SOX6: variants seen among roughly 807,000 people sequenced by gnomAD.
SOX6 encodes SRY-box transcription factor 6, also known as transcription factor SOX-6.
SOX6 carries 11 observed loss-of-function variants against 97.8 expected under a neutral mutation model. The ratio of observed to expected loss-of-function variants is 0.11; its 90% confidence interval spans 0.07 to 0.19. The LOEUF (loss-of-function observed/expected upper bound fraction) is 0.19, where lower values mean the gene tolerates loss of function less well. SOX6 is among the 10% of genes least tolerant of loss of function. The pLI is 1.00. For synonymous variants in SOX6, 360 were observed against 371.4 expected (o/e 0.97, Z 0.35); for missense variants, 810 against 1,039.5 (o/e 0.78, Z 3.04).
chr11:16,449,215 A>G (rs1859668608), intron 1 of SOX6, among the ~76,000 whole-genome samples: 1 of 150,190 alleles, frequency 6.7e-6, no homozygotes, highest in African/African-American at 2.5e-5. Context: ...ATGTTGAACG[A>G]GCAGAAGTAT....
Position 16,061,421 on chromosome 11 carries a change from T to C in SOX6, c.1102-5520A>G, listed in dbSNP as rs554089960. Among the ~76,000 whole-genome samples, 10 of 151,776 alleles carry C rather than the reference T, an allele frequency of 6.6e-5. No individual in the cohort carries two copies. The South Asian group carries it at 2.1e-3, about 32-fold the overall frequency. ...CATAAACAAATGGAAAAACATCCAA[T>C]GGTCATGGATTAGAAGAACCGGTAT... On this transcript the variant is annotated intron_variant, in intron 9 of 15. Coordinates refer to ENST00000683767, the MANE Select transcript of SOX6 (RefSeq NM_001367873.1).
rs373802250 is a variant in SOX6, at chr11:16,299,007, A to G, written c.445+19439T>C. ...AGAAATGGTGGGTATTAAACCTCTG[A>G]AAAGCAATATTTTCTTTTATTGTGT... is the stretch of plus-strand genomic sequence containing the variant. On this transcript the variant is annotated intron_variant, in intron 3 of 15. Transcript: ENST00000683767. Among the ~76,000 whole-genome samples the G allele has an allele frequency of 2.0e-5, 3 of 152,162 alleles. No individual in the cohort carries two copies. In the East Asian group the frequency reaches 5.8e-4, roughly 29 times the overall value.
chr11:16,717,900 AATG>A (rs1347229726), intron 2 of SOX6, among the ~76,000 whole-genome samples: 1 of 151,566 alleles, frequency 6.6e-6, no homozygotes, highest in Non-Finnish European at 1.5e-5. Context: ...CTGGCTCAGA[AATG>A]TAAAATAAGC....
At chr11:16,422,451 C>T (rs1484885606) in intron 1 of SOX6, among the ~76,000 whole-genome samples, 2 of 152,196 alleles carry the variant, frequency 1.3e-5, no homozygotes, top group Non-Finnish European at 2.9e-5. Flanking sequence ...TCAGGTACTA[C>T]TGAAGCAAAG....
intron 6 of SOX6, among the ~76,000 whole-genome samples, chr11:16,174,324 G>A (rs1196328892): frequency 6.6e-6 from 1 of 151,830 alleles, no homozygotes; most frequent in Non-Finnish European, 1.5e-5. Flanking sequence ...TTCTGACTAT[G>A]AATTCCTTAA....
At chr11:16,126,176 A>C in intron 6 of SOX6, among the ~76,000 whole-genome samples, 1 of 152,128 alleles carries the variant, frequency 6.6e-6, no homozygotes, top group East Asian at 1.9e-4. Context: ...TGAACTCCCA[A>C]GAATGTAGTT....
intron 1 of SOX6, among the ~76,000 whole-genome samples, chr11:16,381,414 CT>C (rs760117786): frequency 1.3e-5 from 2 of 151,988 alleles, no homozygotes; most frequent in Non-Finnish European, 2.9e-5. Context: ...AAAATAAACA[CT>C]TTGTAACACT....
At chr11:16,540,397 T>C (rs1365500775) in intron 4 of SOX6, among the ~76,000 whole-genome samples, 30 of 152,096 alleles carry the variant, frequency 2.0e-4, no homozygotes, top group Admixed American at 2.0e-3. Flanking sequence ...AGCATTCCCT[T>C]TGAAAACTGG....
intron 1 of SOX6, among the ~76,000 whole-genome samples, chr11:16,451,908 C>A (rs1247841262): frequency 1.3e-5 from 2 of 151,634 alleles, no homozygotes; most frequent in Admixed American, 6.6e-5. Context: ...GTGGTATGCA[C>A]CTGGAGTCTC....
intron 4 of SOX6, among the ~76,000 whole-genome samples, chr11:16,540,105 G>C (rs188026632): frequency 3.3e-4 from 50 of 152,152 alleles, no homozygotes; most frequent in African/African-American, 7.9e-4. Context: ...AGCAGCACAT[G>C]AAAAAGCTTA....
intron 3 of SOX6, among the ~76,000 whole-genome samples, chr11:16,674,771 C>T (rs541338727): frequency 7.9e-5 from 12 of 152,226 alleles, no homozygotes; most frequent in African/African-American, 1.2e-4. Flanking sequence ...GCCAACAAAG[C>T]GAAACCCTAT....
At chr11:16,141,067 T>A (rs1172460680) in intron 6 of SOX6, among the ~76,000 whole-genome samples, 1 of 151,582 alleles carries the variant, frequency 6.6e-6, no homozygotes, top group East Asian at 1.9e-4. Flanking sequence ...TGAGCCAAGA[T>A]TGCACTGCTG....
chr11:16,526,739 C>T (rs1442482636), intron 4 of SOX6, among the ~76,000 whole-genome samples: 6 of 151,966 alleles, frequency 3.9e-5, no homozygotes, highest in Admixed American at 6.6e-5. Context: ...TCCAGCCTTT[C>T]GTATATCAAT....
intron 4 of SOX6, among the ~76,000 whole-genome samples, chr11:16,525,885 G>A (rs1050842733): frequency 6.6e-6 from 1 of 151,978 alleles, no homozygotes; most frequent in African/African-American, 2.4e-5. Context: ...TGAAAAAAAT[G>A]CTCATAATCA....
At chr11:15,995,379 GT>G (rs1238899996) in intron 13 of SOX6, among the ~76,000 whole-genome samples, 1 of 152,090 alleles carries the variant, frequency 6.6e-6, no homozygotes, top group Non-Finnish European at 1.5e-5. Context: ...CAAAAACTAA[GT>G]TTCCACAAGT....
chr11:16,095,529 C>T lies in SOX6; in HGVS notation c.1101+467G>A, dbSNP rs35398750. On this transcript the variant is annotated intron_variant, in intron 9 of 15. Transcript: ENST00000683767. Reference sequence around the variant, plus strand: ...ATCCTGGGCAATAACCTTGACTCAACGAATATTTTATAGCCTTGGTTAAAT... The same window carrying T: ...ATCCTGGGCAATAACCTTGACTCAATGAATATTTTATAGCCTTGGTTAAAT... Among the ~76,000 whole-genome samples, 985 of 151,846 alleles carry T rather than the reference C, an allele frequency of 6.5e-3. 5 individuals carry two copies. Among genetic ancestry groups the T allele is most frequent in the South Asian group, 0.012 (59 of 4,826 alleles).
Position 16,204,672 on chromosome 11 carries a change from G to A in SOX6, c.536-17717C>T, listed in dbSNP as rs1852027701. Among the ~76,000 whole-genome samples, 2 of 152,142 alleles carry A rather than the reference G, an allele frequency of 1.3e-5. 1 individual carries two copies. Among genetic ancestry groups the A allele is most frequent in the Middle Eastern group, 6.8e-3 (2 of 294 alleles). On this transcript the variant is annotated intron_variant, in intron 4 of 15. Coordinates refer to ENST00000683767, the MANE Select transcript of SOX6 (RefSeq NM_001367873.1). ...AACCGTGATTAATCTATATCTGGAG[G>A]TGATTTTTTAAAAAATCTATCTTAT... is the stretch of plus-strand genomic sequence containing the variant.
rs575828499 is a variant in SOX6, at chr11:16,443,852, A to G, written c.-5+32463T>C. Among the ~76,000 whole-genome samples the G allele has an allele frequency of 4.6e-5, 7 of 152,162 alleles. No homozygotes were observed. The South Asian group carries it at 1.5e-3, about 32-fold the overall frequency. ...ACATGATGGAACCCCATCTCTACTA[A>G]AAATACAAAAATTAGCTTGGCGCGG... On this transcript the variant is annotated intron_variant, in intron 1 of 15. Coordinates refer to the SOX6 transcript ENST00000396356.
At chr11:16,491,793 A>G (rs1860513558) in intron 4 of SOX6, among the ~76,000 whole-genome samples, 1 of 152,218 alleles carries the variant, frequency 6.6e-6, no homozygotes, top group Non-Finnish European at 1.5e-5. Context: ...GAAAAAACAA[A>G]ATAAAACTTG....
Sources: allele counts gnomAD v4.1 joint callset (sites outside exome capture counted in the v4.1 genomes callset), GRCh38; gene constraint gnomAD v4.1.1; transcripts MANE v1.5; gene names NCBI Gene and HGNC (gene_info 2026-07-23, HGNC 2026-07-21).